Variants in AP3B1 observed in about 807,000 individuals in gnomAD.
AP3B1 encodes AP-3 complex subunit beta-1.
In AP3B1, 61 loss-of-function variants were observed where a neutral mutation model predicts 132.5. The observed-to-expected ratio is 0.46, with a 90% CI of 0.37 to 0.57. The LOEUF (loss-of-function observed/expected upper bound fraction) is 0.57, where lower values mean the gene tolerates loss of function less well. Ranked by LOEUF, AP3B1 falls within the 20% of genes least tolerant of loss-of-function variation. The pLI is 0.00. For synonymous variants in AP3B1, 388 were observed against 438.3 expected (o/e 0.89, Z 1.43); for missense variants, 1,120 against 1,289.4 (o/e 0.87, Z 2.01).
At chr5:78,111,910 A>C (rs988341340) in intron 19 of AP3B1, among the ~76,000 whole-genome samples, 1 of 152,230 alleles carries the variant, frequency 6.6e-6, no homozygotes, top group Non-Finnish European at 1.5e-5. Context: ...TCAAGGGCAC[A>C]TAACAAGAGG....
rs548524381 is a variant in AP3B1, at chr5:78,030,079, C to T, written c.2894+4282G>A. On this transcript the variant is annotated intron_variant, in intron 24 of 26. Coordinates refer to ENST00000255194, the MANE Select transcript of AP3B1 (RefSeq NM_003664.5). ...ATTATTTTTATACGTTGATAAATTTCGTAGAATGCTTTGCTCACTACTGTT... is the reference window on the plus strand; with the variant it reads ...ATTATTTTTATACGTTGATAAATTTTGTAGAATGCTTTGCTCACTACTGTT... Among the ~76,000 whole-genome samples, 301 of 152,042 alleles carry T rather than the reference C, an allele frequency of 2.0e-3. 2 individuals are homozygous for T. The highest frequency in any genetic ancestry group is 6.9e-3 in the African/African-American group (286 of 41,482).
intron 14 of AP3B1, among the ~76,000 whole-genome samples, chr5:78,146,721 A>G (rs1753416036): frequency 6.6e-6 from 1 of 152,044 alleles, no homozygotes; most frequent in African/African-American, 2.4e-5. Context: ...GGTGATCTTT[A>G]TAACTTTAGC....
intron 1 of AP3B1, among the ~76,000 whole-genome samples, chr5:78,273,336 G>A (rs1748633113): frequency 6.6e-6 from 1 of 152,154 alleles, no homozygotes; most frequent in African/African-American, 2.4e-5. Context: ...AAGAGGGTAA[G>A]ACTGCAATGA....
chr5:78,098,582 G>A (rs964192266), intron 21 of AP3B1, among the ~76,000 whole-genome samples: 2 of 152,280 alleles, frequency 1.3e-5, no homozygotes, highest in African/African-American at 4.8e-5. Flanking sequence ...ATATTCAAAT[G>A]TCACAGAAAG....
chr5:78,187,941 C>G (rs1351480942), intron 7 of AP3B1, among the ~76,000 whole-genome samples: 1 of 152,098 alleles, frequency 6.6e-6, no homozygotes, highest in Non-Finnish European at 1.5e-5. Flanking sequence ...CATCTACAAC[C>G]ATCTGATCTT....
intron 2 of AP3B1, among the ~76,000 whole-genome samples, chr5:78,249,579 C>CTTTTTTTT (rs71301504): frequency 2.6e-4 from 27 of 105,070 alleles, no homozygotes; most frequent in Non-Finnish European, 3.7e-4. Flanking sequence ...TTTTCTTTTT[C>CTTTTTTTT]TTTTTTTTTT....
At chr5:78,191,604 AT>A (rs2112433886) in intron 7 of AP3B1, among the ~76,000 whole-genome samples, 1 of 152,308 alleles carries the variant, frequency 6.6e-6, no homozygotes, top group East Asian at 1.9e-4. Flanking sequence ...AATTGAGGTG[AT>A]AAGTGAACTC....
intron 1 of AP3B1, among the ~76,000 whole-genome samples, chr5:78,279,063 T>A (rs1580584973): frequency 6.6e-6 from 1 of 152,170 alleles, no homozygotes. Context: ...TATCAACATA[T>A]GGAAAGATCT....
intron 1 of AP3B1, among the ~76,000 whole-genome samples, chr5:78,271,534 CCCTT>C (rs1748546377): frequency 6.6e-6 from 1 of 152,168 alleles, no homozygotes; most frequent in African/African-American, 2.4e-5. Flanking sequence ...AGCCTACAGA[CCCTT>C]CCTCAACTCT....
chr5:78,046,704 CT>C (rs36019211), intron 22 of AP3B1, among the ~76,000 whole-genome samples: 23 of 149,114 alleles, frequency 1.5e-4, no homozygotes, highest in Middle Eastern at 3.5e-3. Context: ...AGCCTAGAAT[CT>C]TTTTTTTTTT....
At chr5:78,181,892 T>C (rs1744387569) in intron 7 of AP3B1, among the ~76,000 whole-genome samples, 1 of 152,198 alleles carries the variant, frequency 6.6e-6, no homozygotes, top group Admixed American at 6.5e-5. Flanking sequence ...TCTATTGTAT[T>C]ACAAAGTAAA....
rs1439424552 is a variant in AP3B1, at chr5:78,276,711, A to AC, written c.129-9117_129-9116insG. Among the ~76,000 whole-genome samples, 5 of 152,018 alleles carry AC rather than the reference A, an allele frequency of 3.3e-5. 1 individual carries two copies. In the East Asian group the frequency reaches 9.7e-4, roughly 29 times the overall value. On this transcript the variant is annotated intron_variant, in intron 1 of 26. Coordinates refer to ENST00000255194, the MANE Select transcript of AP3B1 (RefSeq NM_003664.5). ...GGCAAGACCCTTTCACCACAAAAAA[A>AC]ACAAAAAATTAGTCAGGCATGGTGG...
At chr5:78,153,610 T>G (rs139832222) in intron 14 of AP3B1, among the ~76,000 whole-genome samples, 94 of 152,286 alleles carry the variant, frequency 6.2e-4, no homozygotes, top group African/African-American at 2.1e-3. Flanking sequence ...TTTCTGGTTG[T>G]TTCACATTCT....
chr5:78,259,890 G>C (rs1580557586), intron 2 of AP3B1, among the ~76,000 whole-genome samples: 1 of 151,798 alleles, frequency 6.6e-6, no homozygotes, highest in Non-Finnish European at 1.5e-5. Context: ...GGATCACTTG[G>C]ACCCGGGAGG....
At chr5:78,278,768 G>A (rs1046605571) in intron 1 of AP3B1, among the ~76,000 whole-genome samples, 7 of 152,236 alleles carry the variant, frequency 4.6e-5, no homozygotes, top group African/African-American at 1.4e-4. Flanking sequence ...GGCAGATGAG[G>A]AGTATTACTG....
intron 17 of AP3B1, 53 bp downstream of exon 17, chr5:78,127,977 T>C (rs1226723779): frequency 1.4e-5 from 22 of 1,598,558 alleles, no homozygotes; most frequent in Non-Finnish European, 1.8e-5. Context: ...ACAATAGCTA[T>C]CCTAGAGTCT....
At chr5:78,211,220 T>C (rs1004417449) in intron 7 of AP3B1, among the ~76,000 whole-genome samples, 1 of 152,298 alleles carries the variant, frequency 6.6e-6, no homozygotes, top group Middle Eastern at 3.4e-3. Context: ...AGTCAATCGG[T>C]CTTCTCCCTG....
intron 20 of AP3B1, among the ~76,000 whole-genome samples, chr5:78,105,669 G>A (rs531392702): frequency 2.8e-4 from 42 of 152,142 alleles, no homozygotes; most frequent in Non-Finnish European, 5.0e-4. Context: ...TCATTGAAAG[G>A]ACTATACTAA....
intron 11 of AP3B1, 108 bp from the exon 12 acceptor site, chr5:78,165,780 C>T: frequency 1.1e-6 from 1 of 874,040 alleles, no homozygotes; most frequent in Non-Finnish European, 1.9e-6. Flanking sequence ...TTAAAAATCA[C>T]ATTGTCAGCC....
Sources: allele counts gnomAD v4.1 joint callset (sites outside exome capture counted in the v4.1 genomes callset), GRCh38; gene constraint gnomAD v4.1.1; transcripts MANE v1.5; gene names NCBI Gene and HGNC (gene_info 2026-07-23, HGNC 2026-07-21).